The following MYO9A variants were observed in gnomAD, a reference collection of about 807,000 sequenced individuals.
MYO9A encodes unconventional myosin-IXa.
In MYO9A, 103 loss-of-function variants were observed where a neutral mutation model predicts 293.3. The ratio of observed to expected loss-of-function variants is 0.35; its 90% CI spans 0.30 to 0.41. The LOEUF (loss-of-function observed/expected upper bound fraction) is 0.41, where lower values mean the gene tolerates loss of function less well. Ranked by LOEUF, MYO9A falls within the 10% of genes least tolerant of loss-of-function variation. The probability of loss-of-function intolerance (pLI) is 1.00; values close to 1 mark genes in which losing one functional copy is unlikely to be tolerated. For missense variants in MYO9A, 2,685 were observed against 3,033.0 expected (o/e 0.89, Z 2.69); for synonymous variants, 1,001 against 1,035.7 (o/e 0.97, Z 0.64).
At chr15:72,097,125 G>A (rs1458163960) in intron 1 of MYO9A, among the ~76,000 whole-genome samples, 1 of 152,176 alleles carries the variant, frequency 6.6e-6, no homozygotes, top group Non-Finnish European at 1.5e-5. Context: ...TGAGAAGACT[G>A]ACTCCAATTT....
At chr15:72,026,759 G>A (rs534236207) in intron 4 of MYO9A, among the ~76,000 whole-genome samples, 5 of 151,988 alleles carry the variant, frequency 3.3e-5, no homozygotes, top group Non-Finnish European at 5.9e-5. Flanking sequence ...GAATGAAAGC[G>A]GAACATTACT....
At chr15:71,981,886 T>C (rs939922599) in intron 11 of MYO9A, among the ~76,000 whole-genome samples, 1 of 152,104 alleles carries the variant, frequency 6.6e-6, no homozygotes, top group Admixed American at 6.6e-5. Context: ...ACAAAAATCT[T>C]CTAAGAGCTA....
chr15:71,828,751 A>C (rs1423476383), intron 40 of MYO9A, among the ~76,000 whole-genome samples: 1 of 152,158 alleles, frequency 6.6e-6, no homozygotes, highest in Non-Finnish European at 1.5e-5. Flanking sequence ...AACTCATCTG[A>C]ATATTCTAAC....
chr15:71,928,583 C>T (rs1025868369), intron 18 of MYO9A, among the ~76,000 whole-genome samples: 32 of 151,960 alleles, frequency 2.1e-4, no homozygotes, highest in Non-Finnish European at 1.2e-4. Flanking sequence ...CACAGGATAT[C>T]ATTTTTCATT....
At position 71,843,052 on chromosome 15, in the gene MYO9A, G is replaced by A. The variant is rs962353771; in HGVS notation, c.6837+5793C>T. ...AATTATGTATTTAAAGAGTTGGTAC[G>A]TTTTCTCTGTGAAACTATTTATGTC... is the stretch of plus-strand genomic sequence containing the variant. On this transcript the variant is annotated intron_variant, in intron 39 of 41. Coordinates refer to ENST00000356056, the MANE Select transcript of MYO9A (RefSeq NM_006901.4). Among the ~76,000 whole-genome samples, 3 of 152,016 alleles carry A rather than the reference G, an allele frequency of 2.0e-5. No individual in the cohort carries two copies. In the South Asian group the frequency reaches 6.2e-4, roughly 32 times the overall value.
intron 30 of MYO9A, 139 bp from the exon 31 acceptor site, chr15:71,878,370 G>T: frequency 3.9e-6 from 2 of 514,762 alleles, no homozygotes; most frequent in East Asian, 3.4e-5. Flanking sequence ...ATGCCCATGA[G>T]GTCATGTGGT....
At chr15:71,978,627 G>A (rs1269303943) in intron 11 of MYO9A, among the ~76,000 whole-genome samples, 1 of 151,960 alleles carries the variant, frequency 6.6e-6, no homozygotes, top group Non-Finnish European at 1.5e-5. Context: ...TCTCCCACAT[G>A]ACTTTAAGCC....
intron 1 of MYO9A, among the ~76,000 whole-genome samples, chr15:72,097,006 T>C (rs1312399253): frequency 1.3e-5 from 2 of 152,224 alleles, no homozygotes; most frequent in Non-Finnish European, 2.9e-5. Context: ...AGAAAGTGGT[T>C]TCTTGAGATA....
chr15:72,082,399 G>C (rs2079574523), intron 1 of MYO9A, among the ~76,000 whole-genome samples: 1 of 152,158 alleles, frequency 6.6e-6, no homozygotes, highest in Non-Finnish European at 1.5e-5. Flanking sequence ...CTTTGCTGAT[G>C]TCATCAGCTT....
chr15:71,960,159 G>A, intron 13 of MYO9A, 63 bp from the exon 14 acceptor site: 2 of 1,405,696 alleles, frequency 1.4e-6, no homozygotes, highest in Admixed American at 1.8e-5. Context: ...CAAGATGACG[G>A]GTGATAACAT....
rs540134034 is a variant in MYO9A at position 72,045,021 on chromosome 15, T to C, written c.840+703A>G. Reference sequence around the variant, plus strand: ...TTACTAAAAATAATGTCTACACTTCTATTTAGTTTTACTTCATCTTCTCAC... The same window carrying C: ...TTACTAAAAATAATGTCTACACTTCCATTTAGTTTTACTTCATCTTCTCAC... On this transcript the variant is annotated intron_variant, in intron 2 of 41. Transcript: ENST00000356056. 1.4e-4 allele frequency among the ~76,000 whole-genome samples: 22 copies of C among 152,374 alleles called. No homozygotes were observed. The South Asian group carries it at 4.6e-3, about 32-fold the overall frequency.
chr15:72,069,112 T>G (rs1033662683), intron 1 of MYO9A, among the ~76,000 whole-genome samples: 1 of 152,196 alleles, frequency 6.6e-6, no homozygotes, highest in Non-Finnish European at 1.5e-5. Context: ...GCCTCATAGC[T>G]GATAAGGTAT....
chr15:72,059,948 AT>A (rs2078832079), intron 1 of MYO9A, among the ~76,000 whole-genome samples: 1 of 152,160 alleles, frequency 6.6e-6, no homozygotes, highest in African/African-American at 2.4e-5. Context: ...AACATTTTAT[AT>A]TTCCTTCTTT....
chr15:72,105,127 A>C (rs927484543), intron 1 of MYO9A, among the ~76,000 whole-genome samples: 1 of 152,260 alleles, frequency 6.6e-6, no homozygotes, highest in Non-Finnish European at 1.5e-5. Flanking sequence ...ACAACAAAAC[A>C]GAACAAAGAT....
intron 18 of MYO9A, among the ~76,000 whole-genome samples, chr15:71,933,356 T>C (rs1361240890): frequency 6.6e-6 from 1 of 152,090 alleles, no homozygotes; most frequent in Non-Finnish European, 1.5e-5. Flanking sequence ...CCATTCAGAA[T>C]TTGACCTTAA....
At chr15:71,838,926 G>A (rs2055040212) in intron 39 of MYO9A, among the ~76,000 whole-genome samples, 1 of 152,022 alleles carries the variant, frequency 6.6e-6, no homozygotes, top group Admixed American at 6.6e-5. Flanking sequence ...GCTCTAAAAA[G>A]GTACACTTAT....
In MYO9A at chr15:71,899,882, T is replaced by G. The variant is rs777665249; in HGVS notation, c.3275A>C (p.Gln1092Pro). 1.1e-5 allele frequency: 18 copies of G among 1,613,996 alleles called. No individual in the cohort carries two copies. Among genetic ancestry groups the G allele is most frequent in the Non-Finnish European group, 1.4e-5 (17 of 1,180,036 alleles). The change falls in exon 24 of 42, where the codon CAG (glutamine) becomes CCG (proline). Residue 1092 changes from glutamine to proline, a missense_variant. Physicochemically the swap from Gln to Pro is moderately conservative, Grantham distance 76. Transcript: ENST00000356056. ...QASWRAHLER[Q>P]RYLELRAAAI... ...TGCAGCCCGTAACTCCAAGTACCGC[T>G]GCCTCTCTAAGTGAGCACGCCAGGA...
intron 15 of MYO9A, among the ~76,000 whole-genome samples, chr15:71,943,599 A>C (rs142611580): frequency 5.0e-4 from 76 of 152,216 alleles, no homozygotes; most frequent in African/African-American, 1.8e-3. Context: ...AAGTTTTGCT[A>C]AATGCATTCA....
At chr15:72,004,435 T>TAA (rs2076959174) in intron 8 of MYO9A, among the ~76,000 whole-genome samples, 1 of 152,096 alleles carries the variant, frequency 6.6e-6, no homozygotes, top group South Asian at 2.1e-4. Context: ...CGCATACCTG[T>TAA]AATCTCAGCT....
Sources: gnomAD v4.1 joint callset for allele counts (sites outside exome capture counted in the v4.1 genomes callset) on GRCh38, gnomAD v4.1.1 for gene constraint, MANE v1.5 for transcripts, NCBI Gene and HGNC (gene_info 2026-07-23, HGNC 2026-07-21) for gene names.